Variants in NAALADL2 observed in about 807,000 individuals in gnomAD.
NAALADL2 encodes N-acetylated alpha-linked acidic dipeptidase like 2.
NAALADL2 carries 76 observed loss-of-function variants against 87.2 expected under a neutral mutation model. That is an observed-to-expected ratio of 0.87 (90% CI 0.72 to 1.05). The LOEUF (loss-of-function observed/expected upper bound fraction) is 1.05, where lower values mean the gene tolerates loss of function less well. Ranked by LOEUF, NAALADL2 falls within the 50% of genes least tolerant of loss-of-function variation. The probability of loss-of-function intolerance (pLI) is 0.00; values close to 1 mark genes in which losing one functional copy is unlikely to be tolerated. For missense variants in NAALADL2, 1,089 were observed against 945.8 expected (o/e 1.15, Z -1.99); for synonymous variants, 354 against 331.0 (o/e 1.07, Z -0.75).
At chr3:175,580,360 T>A (rs1171100182) in intron 10 of NAALADL2, among the ~76,000 whole-genome samples, 3 of 152,164 alleles carry the variant, frequency 2.0e-5, no homozygotes, top group Non-Finnish European at 2.9e-5. Context: ...TATACAGATG[T>A]TGGAACAGTG....
At chr3:174,774,041 T>C (rs1187855512) in intron 3 of NAALADL2, among the ~76,000 whole-genome samples, 2 of 152,186 alleles carry the variant, frequency 1.3e-5, no homozygotes, top group East Asian at 1.9e-4. Flanking sequence ...TTATGAGTTA[T>C]TCACAAGCCT....
intron 5 of NAALADL2, among the ~76,000 whole-genome samples, chr3:175,360,070 A>G (rs1268146386): frequency 2.6e-5 from 4 of 152,128 alleles, no homozygotes; most frequent in Admixed American, 1.3e-4. Flanking sequence ...CCAATACTCA[A>G]TGCACTTCAT....
In NAALADL2 at chr3:174,874,957, C is replaced by CA. The variant is rs556502977; in HGVS notation, c.43+15514dup. ...TAGTGAGACCCTATCTTTACAAAAACAAAAAAATTAGCTGGACGTGGTGGC... is the reference window on the plus strand; with the variant it reads ...TAGTGAGACCCTATCTTTACAAAAACAAAAAAAATTAGCTGGACGTGGTGGC... On this transcript the variant is annotated intron_variant, in intron 1 of 13. Coordinates refer to ENST00000454872, the MANE Select transcript of NAALADL2 (RefSeq NM_207015.3). Among the ~76,000 whole-genome samples, 67 of 151,054 alleles carry CA rather than the reference C, an allele frequency of 4.4e-4. 1 individual carries two copies. In the South Asian group the frequency reaches 0.012, roughly 26 times the overall value.
chr3:175,026,872 G>A (rs192527976), intron 1 of NAALADL2, among the ~76,000 whole-genome samples: 2 of 152,204 alleles, frequency 1.3e-5, no homozygotes, highest in Admixed American at 1.3e-4. Context: ...AGATTCACAT[G>A]AGTTATTTTG....
At chr3:174,554,387 T>C (rs1243575321) in intron 2 of NAALADL2, among the ~76,000 whole-genome samples, 1 of 152,096 alleles carries the variant, frequency 6.6e-6, no homozygotes, top group Non-Finnish European at 1.5e-5. Flanking sequence ...ATACAATTTA[T>C]CTAAGTGCTT....
intron 4 of NAALADL2, among the ~76,000 whole-genome samples, chr3:175,303,116 A>T (rs989343902): frequency 8.5e-5 from 13 of 152,136 alleles, no homozygotes; most frequent in African/African-American, 3.1e-4. Context: ...GACTGAAAAG[A>T]CATGAGATTT....
chr3:174,634,184 T>G (rs916422803), intron 2 of NAALADL2, among the ~76,000 whole-genome samples: 71 of 152,282 alleles, frequency 4.7e-4, no homozygotes, highest in African/African-American at 1.6e-3. Context: ...GGCTGTTATA[T>G]AAGGAACCTA....
chr3:175,083,376 T>A (rs765770673), intron 1 of NAALADL2, among the ~76,000 whole-genome samples: 1 of 152,234 alleles, frequency 6.6e-6, no homozygotes, highest in Non-Finnish European at 1.5e-5. Flanking sequence ...TGTGCATACA[T>A]GTGAAAGAAT....
intron 3 of NAALADL2, among the ~76,000 whole-genome samples, chr3:174,806,008 T>C (rs2109271519): frequency 6.6e-6 from 1 of 152,306 alleles, no homozygotes; most frequent in Non-Finnish European, 1.5e-5. Context: ...CAGCAGCTAC[T>C]ACTAACTGTC....
At chr3:175,079,542 T>A (rs184211284) in intron 1 of NAALADL2, 18 of 152,262 alleles carry the variant, frequency 1.2e-4, no homozygotes, top group South Asian at 4.1e-4. Context: ...TTTTGAAAAA[T>A]TTTTCTAACA....
intron 3 of NAALADL2, among the ~76,000 whole-genome samples, chr3:175,241,538 T>G (rs1016122249): frequency 6.6e-6 from 1 of 152,124 alleles, no homozygotes; most frequent in Non-Finnish European, 1.5e-5. Flanking sequence ...ACTTCTTTCA[T>G]ATTTGAGAAT....
intron 3 of NAALADL2, among the ~76,000 whole-genome samples, chr3:174,740,098 A>C (rs1733622417): frequency 6.6e-6 from 1 of 152,018 alleles, no homozygotes; most frequent in Admixed American, 6.6e-5. Flanking sequence ...ATACATTCAT[A>C]TGCTGATTTT....
intron 11 of NAALADL2, among the ~76,000 whole-genome samples, chr3:175,705,665 T>G: frequency 6.6e-6 from 1 of 152,102 alleles, no homozygotes; most frequent in Non-Finnish European, 1.5e-5. Flanking sequence ...CTCACAACCA[T>G]TTTGTGAGTT....
intron 2 of NAALADL2, among the ~76,000 whole-genome samples, chr3:174,627,535 A>G (rs1005790676): frequency 2.0e-5 from 3 of 152,218 alleles, no homozygotes; most frequent in Non-Finnish European, 2.9e-5. Flanking sequence ...AGAGTTTTCA[A>G]AGAACTAAAA....
At chr3:174,867,560 C>T (rs1293112281) in intron 1 of NAALADL2, among the ~76,000 whole-genome samples, 1 of 151,942 alleles carries the variant, frequency 6.6e-6, no homozygotes, top group Non-Finnish European at 1.5e-5. Context: ...GTGCGTAGAT[C>T]CATAGCTAAC....
At chr3:175,634,391 G>T (rs1728224481) in intron 11 of NAALADL2, among the ~76,000 whole-genome samples, 1 of 151,868 alleles carries the variant, frequency 6.6e-6, no homozygotes, top group Non-Finnish European at 1.5e-5. Flanking sequence ...TTGGAGCATG[G>T]TAACTGAAAA....
intron 1 of NAALADL2, among the ~76,000 whole-genome samples, chr3:174,927,993 A>G (rs956198957): frequency 3.9e-5 from 6 of 152,330 alleles, no homozygotes; most frequent in Non-Finnish European, 7.4e-5. Context: ...AATTAAAGAC[A>G]GATAACTATA....
chr3:174,960,731 T>G (rs1741852491), intron 1 of NAALADL2, among the ~76,000 whole-genome samples: 1 of 152,090 alleles, frequency 6.6e-6, no homozygotes, highest in African/African-American at 2.4e-5. Flanking sequence ...TCTAAAATAC[T>G]TAATGGATTT....
intron 2 of NAALADL2, among the ~76,000 whole-genome samples, chr3:175,219,149 A>G (rs1395543857): frequency 2.0e-5 from 3 of 152,104 alleles, no homozygotes; most frequent in South Asian, 4.1e-4. Context: ...GGTTTATACT[A>G]AAGACTATTA....
Sources: allele counts gnomAD v4.1 joint callset (sites outside exome capture counted in the v4.1 genomes callset), GRCh38; gene constraint gnomAD v4.1.1; transcripts MANE v1.5; gene names NCBI Gene and HGNC (gene_info 2026-07-23, HGNC 2026-07-21).